KCNU1: variants seen among roughly 807,000 people sequenced by gnomAD.
KCNU1 encodes the protein potassium channel subfamily U member 1.
Under a neutral mutation model 126.8 loss-of-function variants are expected in KCNU1, and 93 were observed. That is an observed-to-expected ratio of 0.73 (90% confidence interval 0.62 to 0.87). KCNU1 has a LOEUF of 0.87. KCNU1 is among the 40% of genes least tolerant of loss of function. The pLI, the probability that KCNU1 is intolerant of heterozygous loss-of-function variation, is 0.00. For synonymous variants in KCNU1, 523 were observed against 494.2 expected (o/e 1.06, Z -0.77); for missense variants, 1,330 against 1,367.1 (o/e 0.97, Z 0.43).
chr8:36,889,368 C>T (rs779273058), intron 19 of KCNU1: 4 of 422,586 alleles, frequency 9.5e-6, no homozygotes, highest in Non-Finnish European at 1.9e-5. Context: ...TGCCACTTGT[C>T]ATCAACACAA....
chr8:36,832,884 T>C (rs879734827), intron 10 of KCNU1, among the ~76,000 whole-genome samples: 6 of 152,136 alleles, frequency 3.9e-5, no homozygotes, highest in Admixed American at 1.3e-4. Flanking sequence ...CTAAGAATAA[T>C]GATAAAGAAT....
intron 16 of KCNU1, among the ~76,000 whole-genome samples, chr8:36,843,935 G>A (rs1290615036): frequency 1.3e-5 from 2 of 152,190 alleles, no homozygotes; most frequent in Admixed American, 1.3e-4. Flanking sequence ...ATCATAAAGA[G>A]TGAATCAACT....
intron 10 of KCNU1, among the ~76,000 whole-genome samples, chr8:36,830,710 T>TTG (rs979822243): frequency 1.3e-4 from 19 of 150,920 alleles, no homozygotes; most frequent in Non-Finnish European, 2.1e-4. Context: ...AGGTTTGTGT[T>TTG]TGTGTGTGTG....
intron 14 of KCNU1, among the ~76,000 whole-genome samples, chr8:36,837,389 A>G (rs1804790785): frequency 6.6e-6 from 1 of 152,220 alleles, no homozygotes; most frequent in African/African-American, 2.4e-5. Context: ...ACAAATAGTA[A>G]TTAAAATCTA....
intron 18 of KCNU1, among the ~76,000 whole-genome samples, chr8:36,848,597 G>C (rs1032576140): frequency 1.8e-4 from 27 of 152,104 alleles, no homozygotes; most frequent in Non-Finnish European, 2.5e-4. Flanking sequence ...TAGTCTGTCT[G>C]CTGTTTGGGA....
rs368033992 is a variant in KCNU1 at position 36,807,281 on chromosome 8, A to G, written c.581-94A>G. ...AGATTTGGAACACGTCTAGAAGAAA[A>G]AGAATGTAAGTGATTCCAATGCTGT... On this transcript the variant is annotated intron_variant, in intron 5 of 26. Coordinates refer to ENST00000399881, the MANE Select transcript of KCNU1 (RefSeq NM_001031836.3). The G allele has an allele frequency of 2.9e-5, 25 of 863,196 alleles. No homozygotes were observed. The East Asian group carries it at 3.6e-4, about 13-fold the overall frequency. The allele number at this position is 863,196 out of a possible 1,614,324, so 53.5% of individuals were successfully genotyped here. A position where few individuals can be genotyped will look rare whatever the true frequency, so the allele number is the denominator to read the frequency against.
intron 19 of KCNU1, among the ~76,000 whole-genome samples, chr8:36,871,617 A>T (rs1806106513): frequency 6.6e-6 from 1 of 152,148 alleles, no homozygotes; most frequent in South Asian, 2.1e-4. Context: ...AGCTTCACAG[A>T]CTATAATAAA....
intron 16 of KCNU1, 43 bp downstream of exon 16, chr8:36,841,046 T>C: frequency 1.5e-6 from 2 of 1,292,988 alleles, no homozygotes; most frequent in Non-Finnish European, 2.2e-6. Context: ...TTTTTTTTTT[T>C]TTTTTTTTTT....
At chr8:36,838,757 G>A (rs1804845785) in intron 14 of KCNU1, among the ~76,000 whole-genome samples, 1 of 152,132 alleles carries the variant, frequency 6.6e-6, no homozygotes, top group South Asian at 2.1e-4. Context: ...CACTGAGGAT[G>A]ATCACCTGTC....
chr8:36,873,836 G>A (rs1806189099), intron 19 of KCNU1, among the ~76,000 whole-genome samples: 1 of 152,190 alleles, frequency 6.6e-6, no homozygotes. Flanking sequence ...CATGCTGGAA[G>A]ATTGTGCTGA....
chr8:36,925,166 C>T (rs781197707), intron 24 of KCNU1, among the ~76,000 whole-genome samples: 2 of 152,098 alleles, frequency 1.3e-5, no homozygotes, highest in African/African-American at 2.4e-5. Context: ...TGCTGGAAAA[C>T]AAAATGTGCT....
At chr8:36,823,100 T>C (rs1261822767) in intron 10 of KCNU1, among the ~76,000 whole-genome samples, 1 of 152,048 alleles carries the variant, frequency 6.6e-6, no homozygotes, top group Non-Finnish European at 1.5e-5. Context: ...ATTCAGCAAT[T>C]GTTAGGGGAT....
At chr8:36,873,720 A>T (rs1411312499) in intron 19 of KCNU1, among the ~76,000 whole-genome samples, 1 of 152,232 alleles carries the variant, frequency 6.6e-6, no homozygotes, top group African/African-American at 2.4e-5. Context: ...ACAAGTTGGC[A>T]GCTCTCTTAA....
chr8:36,861,368 A>G (rs1403996331), intron 18 of KCNU1, among the ~76,000 whole-genome samples: 1 of 152,126 alleles, frequency 6.6e-6, no homozygotes, highest in East Asian at 1.9e-4. Context: ...TTCTCATCCT[A>G]GTGACTACAA....
chr8:36,873,748 A>G (rs2117372874), intron 19 of KCNU1, among the ~76,000 whole-genome samples: 1 of 152,344 alleles, frequency 6.6e-6, no homozygotes, highest in South Asian at 2.1e-4. Context: ...CGCAACGATC[A>G]GGACAATAAA....
At chr8:36,912,953 C>CA (rs71547665) in intron 22 of KCNU1, among the ~76,000 whole-genome samples, 529 of 37,386 alleles carry the variant, frequency 0.014, 41 homozygotes, top group South Asian at 0.016. Context: ...GGTGACAGAG[C>CA]AAAAAAAAAA....
chr8:36,836,989 T>A (rs766491130), intron 14 of KCNU1, 44 bp downstream of exon 14: 14 of 1,593,994 alleles, frequency 8.8e-6, no homozygotes, highest in Admixed American at 3.4e-5. Context: ...TGTTCCTATG[T>A]CCTACATATT....
intron 24 of KCNU1, among the ~76,000 whole-genome samples, chr8:36,929,541 G>T (rs369263773): frequency 1.3e-5 from 2 of 151,942 alleles, no homozygotes; most frequent in African/African-American, 4.8e-5. Context: ...AAATATAGAA[G>T]AATGAAATTA....
At chr8:36,852,913 T>C (rs1023428474) in intron 18 of KCNU1, among the ~76,000 whole-genome samples, 4 of 152,146 alleles carry the variant, frequency 2.6e-5, no homozygotes, top group African/African-American at 9.7e-5. Context: ...ATTCTACAAT[T>C]GATTTATTTT....
Sources: allele counts gnomAD v4.1 joint callset (sites outside exome capture counted in the v4.1 genomes callset), GRCh38; gene constraint gnomAD v4.1.1; transcripts MANE v1.5; gene names NCBI Gene and HGNC (gene_info 2026-07-23, HGNC 2026-07-21).